Variants in RANBP17 observed in about 807,000 individuals in gnomAD.
The protein encoded by RANBP17 is RAN binding protein 17, also known as ran-binding protein 17.
In RANBP17, 158 loss-of-function variants were observed where a neutral mutation model predicts 141.2. The observed-to-expected ratio is 1.12, with a 90% CI of 0.98 to 1.28. The LOEUF is 1.28. Among genes scored for constraint, RANBP17 ranks in the 50% most tolerant of loss-of-function variants. RANBP17 has a pLI of 0.00. For synonymous variants in RANBP17, 430 were observed against 450.0 expected, an observed-to-expected ratio of 0.96 and a Z score of 0.56; for missense variants, 1,438 against 1,290.7, an observed-to-expected ratio of 1.11 and a Z score of -1.75.
At chr5:171,060,379 T>C (rs181294093) in intron 14 of RANBP17, among the ~76,000 whole-genome samples, 1 of 152,110 alleles carries the variant, frequency 6.6e-6, no homozygotes, top group African/African-American at 2.4e-5. Flanking sequence ...CATGAAGGTG[T>C]TGAATTTTGT....
intron 14 of RANBP17, among the ~76,000 whole-genome samples, chr5:171,087,329 T>G (rs1440109853): frequency 6.6e-6 from 1 of 151,830 alleles, no homozygotes; most frequent in Non-Finnish European, 1.5e-5. Context: ...GTCTGAGAGA[T>G]AGTTTGTTAT....
intron 14 of RANBP17, among the ~76,000 whole-genome samples, chr5:171,008,335 A>T (rs191128213): frequency 6.6e-6 from 1 of 152,258 alleles, no homozygotes; most frequent in East Asian, 1.9e-4. Flanking sequence ...TCATAGGTGG[A>T]TCTCTTCACG....
intron 5 of RANBP17, among the ~76,000 whole-genome samples, chr5:170,903,187 A>C (rs1262801855): frequency 6.6e-6 from 1 of 152,240 alleles, no homozygotes; most frequent in East Asian, 1.9e-4. Context: ...TTCTTTCAGA[A>C]ATGCCTTGCG....
chr5:171,169,834 T>C (rs1226060139), intron 14 of RANBP17, among the ~76,000 whole-genome samples: 1 of 151,734 alleles, frequency 6.6e-6, no homozygotes, highest in Non-Finnish European at 1.5e-5. Flanking sequence ...AAAGGGGTGG[T>C]CTACCACTTT....
intron 14 of RANBP17, among the ~76,000 whole-genome samples, chr5:170,986,084 G>A (rs555580675): frequency 6.6e-6 from 1 of 152,132 alleles, no homozygotes; most frequent in South Asian, 2.1e-4. Context: ...CCCAGCTCAC[G>A]CTTGTTGTCT....
chr5:171,231,827 T>C (rs1359137099), intron 22 of RANBP17, among the ~76,000 whole-genome samples: 2 of 152,146 alleles, frequency 1.3e-5, no homozygotes, highest in Non-Finnish European at 2.9e-5. Flanking sequence ...AATGATCTAA[T>C]AATGGAAATA....
At chr5:171,047,302 G>T (rs563903752) in intron 14 of RANBP17, among the ~76,000 whole-genome samples, 1 of 151,620 alleles carries the variant, frequency 6.6e-6, no homozygotes, top group Non-Finnish European at 1.5e-5. Flanking sequence ...ACAGGTGTGA[G>T]CCACTGCACT....
intron 1 of RANBP17, among the ~76,000 whole-genome samples, chr5:170,862,835 T>C (rs1766927433): frequency 6.6e-6 from 1 of 152,228 alleles, no homozygotes; most frequent in Non-Finnish European, 1.5e-5. Flanking sequence ...GATGACATCT[T>C]ACTATCCTCG....
chr5:170,874,480 C>G (rs1768002106), intron 1 of RANBP17, among the ~76,000 whole-genome samples: 1 of 152,146 alleles, frequency 6.6e-6, no homozygotes, highest in African/African-American at 2.4e-5. Context: ...CTTTGTAGGT[C>G]TCTCGGAACT....
intron 13 of RANBP17, among the ~76,000 whole-genome samples, chr5:170,955,249 A>G (rs1775527818): frequency 6.6e-6 from 1 of 152,054 alleles, no homozygotes; most frequent in African/African-American, 2.4e-5. Flanking sequence ...ACTGCCAGAT[A>G]GTAGGGTTCA....
chr5:171,266,647 G>T (rs868357892), intron 25 of RANBP17, among the ~76,000 whole-genome samples: 1 of 152,028 alleles, frequency 6.6e-6, no homozygotes, highest in African/African-American at 2.4e-5. Flanking sequence ...AGGCACGGTG[G>T]TCATGCCTGT....
At chr5:170,926,731 A>G (rs1772959038) in intron 12 of RANBP17, among the ~76,000 whole-genome samples, 1 of 152,106 alleles carries the variant, frequency 6.6e-6, no homozygotes, top group African/African-American at 2.4e-5. Context: ...GTTCTGTTCC[A>G]GTGCTATACT....
At chr5:171,191,890 T>C (rs1761675597) in intron 18 of RANBP17, among the ~76,000 whole-genome samples, 7 of 152,198 alleles carry the variant, frequency 4.6e-5, no homozygotes, top group Admixed American at 3.9e-4. Context: ...AAATGATTGA[T>C]TTGGGGCTTG....
intron 22 of RANBP17, among the ~76,000 whole-genome samples, chr5:171,225,239 TTAAAG>T (rs1438625253): frequency 6.6e-6 from 1 of 152,256 alleles, no homozygotes; most frequent in Non-Finnish European, 1.5e-5. Flanking sequence ...GCACTGTTCT[TTAAAG>T]TATGGTGATT....
intron 5 of RANBP17, among the ~76,000 whole-genome samples, chr5:170,907,303 A>G (rs1581116580): frequency 1.0e-5 from 1 of 99,288 alleles, no homozygotes; most frequent in South Asian, 8.3e-4. Context: ...ATGGATGTGC[A>G]ATCCTTCGTC....
intron 14 of RANBP17, among the ~76,000 whole-genome samples, chr5:171,064,250 T>C (rs954473301): frequency 4.6e-5 from 7 of 152,234 alleles, no homozygotes; most frequent in African/African-American, 1.7e-4. Context: ...ACCCGTCTTC[T>C]GCGTCACTCA....
intron 14 of RANBP17, among the ~76,000 whole-genome samples, chr5:171,132,858 T>C (rs966707418): frequency 6.6e-6 from 1 of 152,224 alleles, no homozygotes; most frequent in Non-Finnish European, 1.5e-5. Context: ...AACTAAACTG[T>C]TAAATAATTC....
chr5:171,277,637 G>GTATGTATATATATATA (rs1554127913), intron 25 of RANBP17, among the ~76,000 whole-genome samples: 1 of 56,920 alleles, frequency 1.8e-5, no homozygotes, highest in African/African-American at 5.8e-5. Context: ...ATATATGTAT[G>GTATGTATATATATATA]TATATATATA....
At chr5:171,044,195 C>A (rs548203208) in intron 14 of RANBP17, among the ~76,000 whole-genome samples, 7 of 152,082 alleles carry the variant, frequency 4.6e-5, no homozygotes, top group African/African-American at 1.7e-4. Flanking sequence ...ATATATATTA[C>A]ATTTTAATTT....
Sources: allele counts gnomAD v4.1 joint callset (sites outside exome capture counted in the v4.1 genomes callset), GRCh38; gene constraint gnomAD v4.1.1; transcripts MANE v1.5; gene names NCBI Gene and HGNC (gene_info 2026-07-23, HGNC 2026-07-21).